Variants in OXR1 observed in about 807,000 individuals in gnomAD.
OXR1 encodes the protein oxidation resistance protein 1.
Under a neutral mutation model 104.6 loss-of-function variants are expected in OXR1, and 41 were observed. That is an observed-to-expected ratio of 0.39 (90% CI 0.31 to 0.51). The LOEUF is 0.51. OXR1 is among the 20% of genes least tolerant of loss of function. The pLI, the probability that OXR1 is intolerant of heterozygous loss-of-function variation, is 0.77. For missense variants in OXR1, 955 were observed against 1,031.9 expected (o/e 0.93, Z 1.02); for synonymous variants, 348 against 348.4 (o/e 1.00, Z 0.01).
At chr8:106,444,151 C>A (rs543233506) in intron 2 of OXR1, among the ~76,000 whole-genome samples, 1 of 152,170 alleles carries the variant, frequency 6.6e-6, no homozygotes, top group Admixed American at 6.6e-5. Flanking sequence ...GATACCATCT[C>A]ATGCCAGTCA....
chr8:106,349,343 T>A (rs1242409183), intron 1 of OXR1, among the ~76,000 whole-genome samples: 5 of 152,110 alleles, frequency 3.3e-5, no homozygotes, highest in Non-Finnish European at 7.3e-5. Context: ...GTTTGTCCAT[T>A]TTTAAGATTT....
chr8:106,316,768 CTATCTATT>C, intron 1 of OXR1, among the ~76,000 whole-genome samples: 1 of 143,918 alleles, frequency 6.9e-6, no homozygotes, highest in East Asian at 2.1e-4. Context: ...ATCTATCTAT[CTATCTATT>C]GCTCGAAAGA....
chr8:106,366,608 A>G (rs1250141455), intron 2 of OXR1, among the ~76,000 whole-genome samples: 1 of 152,224 alleles, frequency 6.6e-6, no homozygotes, highest in African/African-American at 2.4e-5. Context: ...ACATGAATAT[A>G]AGGCTGATAT....
chr8:106,481,126 T>C (rs1822088181), intron 2 of OXR1, among the ~76,000 whole-genome samples: 1 of 151,948 alleles, frequency 6.6e-6, no homozygotes, highest in Non-Finnish European at 1.5e-5. Flanking sequence ...AAAATTTATG[T>C]TGTGCTGATC....
At chr8:106,304,676 G>A (rs1813402715) in intron 1 of OXR1, among the ~76,000 whole-genome samples, 1 of 152,102 alleles carries the variant, frequency 6.6e-6, no homozygotes, top group Non-Finnish European at 1.5e-5. Context: ...CTTAGATTAA[G>A]TCTTCAAAAT....
At chr8:106,728,217 GAAAAAAAAAAAA>G (rs1164061309) in intron 11 of OXR1, among the ~76,000 whole-genome samples, 1 of 85,796 alleles carries the variant, frequency 1.2e-5, no homozygotes, top group Non-Finnish European at 2.4e-5. Context: ...TTCTAAACTG[GAAAAAAAAAAAA>G]AAAAAAAAAA....
chr8:106,654,757 T>G (rs1824909751), intron 3 of OXR1, among the ~76,000 whole-genome samples: 1 of 152,166 alleles, frequency 6.6e-6, no homozygotes, highest in East Asian at 1.9e-4. Flanking sequence ...TCATCAAAAT[T>G]AAACCTTTTT....
intron 3 of OXR1, among the ~76,000 whole-genome samples, chr8:106,673,239 A>C (rs1414636776): frequency 1.3e-5 from 2 of 152,204 alleles, no homozygotes; most frequent in Non-Finnish European, 2.9e-5. Context: ...GATGGAGATG[A>C]GGAATTTGTT....
intron 1 of OXR1, among the ~76,000 whole-genome samples, chr8:106,344,588 C>T (rs559084146): frequency 5.9e-5 from 9 of 152,246 alleles, no homozygotes; most frequent in Non-Finnish European, 1.2e-4. Flanking sequence ...CCATCCGCCT[C>T]GGCCTCCCAA....
chr8:106,614,083 G>A (rs1821008356), intron 3 of OXR1, among the ~76,000 whole-genome samples: 1 of 152,248 alleles, frequency 6.6e-6, no homozygotes, highest in South Asian at 2.1e-4. Flanking sequence ...TGTGATATTA[G>A]CAAAAGTGCT....
intron 2 of OXR1, among the ~76,000 whole-genome samples, chr8:106,415,833 T>C (rs563150936): frequency 6.6e-6 from 1 of 152,290 alleles, no homozygotes; most frequent in Non-Finnish European, 1.5e-5. Flanking sequence ...CTAGATTGTG[T>C]GTCTCTCAAA....
chr8:106,722,033 A>G (rs1359456165), intron 11 of OXR1, among the ~76,000 whole-genome samples: 2 of 152,176 alleles, frequency 1.3e-5, no homozygotes, highest in Non-Finnish European at 2.9e-5. Context: ...TTTAAGAAAC[A>G]CCTTATCAGG....
At chr8:106,292,758 A>T (rs1362613491) in intron 1 of OXR1, among the ~76,000 whole-genome samples, 1 of 152,236 alleles carries the variant, frequency 6.6e-6, no homozygotes, top group Non-Finnish European at 1.5e-5. Flanking sequence ...ATAAGAAGAC[A>T]GGGAGGCACC....
chr8:106,728,474 T>G (rs963630425), intron 11 of OXR1, among the ~76,000 whole-genome samples: 3 of 152,158 alleles, frequency 2.0e-5, no homozygotes, highest in African/African-American at 7.2e-5. Flanking sequence ...TTAACCAGAT[T>G]GTTTTGTTTT....
At chr8:106,684,094 C>G (rs968293250) in intron 5 of OXR1, 152 bp from the exon 6 acceptor site, 11 of 530,830 alleles carry the variant, frequency 2.1e-5, no homozygotes, top group Non-Finnish European at 3.3e-5. Flanking sequence ...TTTAAAGGTT[C>G]TTTTTTAAAA....
chr8:106,427,142 C>G (rs545083241), intron 2 of OXR1, among the ~76,000 whole-genome samples: 28 of 152,186 alleles, frequency 1.8e-4, no homozygotes, highest in African/African-American at 6.5e-4. Context: ...TGATATGGGT[C>G]TCAGACTCAT....
chr8:106,317,014 G>A (rs937185592), intron 1 of OXR1, among the ~76,000 whole-genome samples: 1 of 152,076 alleles, frequency 6.6e-6, no homozygotes, highest in African/African-American at 2.4e-5. Context: ...GGGATTACAG[G>A]CATGTGTCAC....
At chr8:106,609,850 A>ACG (rs1820682456) in intron 3 of OXR1, among the ~76,000 whole-genome samples, 1 of 6,916 alleles carries the variant, frequency 1.4e-4, no homozygotes, top group African/African-American at 6.3e-4. Flanking sequence ...TATAACACAC[A>ACG]CACACACACA....
At chr8:106,747,492 AT>A (rs1835489014) in intron 16 of OXR1, among the ~76,000 whole-genome samples, 1 of 152,194 alleles carries the variant, frequency 6.6e-6, no homozygotes, top group Non-Finnish European at 1.5e-5. Flanking sequence ...TTAATTAAAG[AT>A]TTAGAAGACT....
Sources: allele counts gnomAD v4.1 joint callset (sites outside exome capture counted in the v4.1 genomes callset), GRCh38; gene constraint gnomAD v4.1.1; transcripts MANE v1.5; gene names NCBI Gene and HGNC (gene_info 2026-07-23, HGNC 2026-07-21).